Variants in ATP8A1 observed in about 807,000 individuals in gnomAD.
ATP8A1 encodes phospholipid-transporting ATPase IA.
ATP8A1 carries 90 observed loss-of-function variants against 177.7 expected under a neutral mutation model. The ratio of observed to expected loss-of-function variants is 0.51; its 90% CI spans 0.43 to 0.60. ATP8A1 has a LOEUF of 0.60. Among genes scored for constraint, ATP8A1 ranks in the 20% least tolerant of loss-of-function variants. The probability of loss-of-function intolerance (pLI) is 0.00; values close to 1 mark genes in which losing one functional copy is unlikely to be tolerated. For missense variants in ATP8A1, 1,072 were observed against 1,392.8 expected (o/e 0.77, Z 3.67); for synonymous variants, 493 against 485.9 (o/e 1.01, Z -0.19).
chr4:42,450,696 TACTC>T (rs1247214238), intron 30 of ATP8A1, among the ~76,000 whole-genome samples: 77 of 152,358 alleles, frequency 5.1e-4, no homozygotes, highest in African/African-American at 1.7e-3. Context: ...TTCTTTGTAA[TACTC>T]ACCTCGCTTA....
chr4:42,656,854 G>C lies in ATP8A1; in HGVS notation c.20C>G (p.Thr7Ser). 1 of 1,586,456 alleles carries C rather than the reference G, an allele frequency of 6.3e-7. No individual in the cohort carries two copies. The highest frequency in any genetic ancestry group is 8.6e-7 in the Non-Finnish European group (1 of 1,166,594). ...GGCGCGCGAGCGGATCTCCGACACGGTCCTCCGCATGGTGGGCATCGCGGC... is the reference window on the plus strand; with the variant it reads ...GGCGCGCGAGCGGATCTCCGACACGCTCCTCCGCATGGTGGGCATCGCGGC... The part of the protein sequence containing the change: MPTMRR[T>S]VSEIRSRAEG... The change falls in exon 1 of 37, where the codon ACC becomes AGC. Residue 7 changes from threonine (T) to serine (S), a missense_variant. By Grantham distance (58) the Thr-to-Ser change is moderately conservative. Around this residue, in one of 5 missense-constraint regions of ATP8A1, gnomAD observed 344 missense variants for 393.5 expected, o/e 0.87. Coordinates refer to ENST00000381668, the MANE Select transcript of ATP8A1 (RefSeq NM_006095.2).
In ATP8A1 at chr4:42,423,608, T is replaced by C. The variant is rs769360705; in HGVS notation, c.3212+9A>G. 3 of 1,593,054 alleles carry C rather than the reference T, an allele frequency of 1.9e-6. No homozygotes were observed. Among genetic ancestry groups the C allele is most frequent in the African/African-American group, 1.3e-5 (1 of 74,498 alleles). On this transcript the variant is annotated intron_variant, in intron 34 of 36. Transcript: ENST00000381668. ...ATATTTCTCCGTATATAACTGAGTATATACTTACACCTTGTACACCACATC... is the reference window on the plus strand; with the variant it reads ...ATATTTCTCCGTATATAACTGAGTACATACTTACACCTTGTACACCACATC...
chr4:42,476,318 A>G (rs1400646746), intron 25 of ATP8A1, among the ~76,000 whole-genome samples: 2 of 152,200 alleles, frequency 1.3e-5, no homozygotes, highest in African/African-American at 4.8e-5. Flanking sequence ...AAAGCTGTAA[A>G]GTTAACAGAA....
chr4:42,493,877 C>T (rs1279153831), intron 24 of ATP8A1, among the ~76,000 whole-genome samples: 3 of 152,224 alleles, frequency 2.0e-5, no homozygotes, highest in African/African-American at 7.2e-5. Flanking sequence ...TAGTTCTGCC[C>T]TTCCTCTGGT....
intron 12 of ATP8A1, among the ~76,000 whole-genome samples, chr4:42,577,307 T>C (rs1237839208): frequency 6.6e-6 from 1 of 152,212 alleles, no homozygotes; most frequent in Non-Finnish European, 1.5e-5. Flanking sequence ...TTCAGCCATA[T>C]ATCTCCTGCA....
At chr4:42,628,591 CATTTTGCAGTTTCAGACCCA>C (rs377522539) in intron 1 of ATP8A1, among the ~76,000 whole-genome samples, 5 of 152,044 alleles carry the variant, frequency 3.3e-5, no homozygotes, top group African/African-American at 9.7e-5. Context: ...CTGTCACACC[CATTTTGCAGTTTCAGACCCA>C]ATCAGCAGCT....
rs140304658 is a variant in ATP8A1 at position 42,569,914 on chromosome 4, G to GA, written c.1296-710dup. On this transcript the variant is annotated intron_variant, in intron 14 of 36. Transcript: ENST00000381668. Reference sequence around the variant, plus strand: ...TTTCAGCCAGTCATGTATTCAATTGGAAGGGGCCCATAATACATGACAGAC... The same window carrying GA: ...TTTCAGCCAGTCATGTATTCAATTGGAAAGGGGCCCATAATACATGACAGAC... 2.3e-3 allele frequency among the ~76,000 whole-genome samples: 350 copies of GA among 152,218 alleles called. 2 individuals carry two copies. The highest frequency in any genetic ancestry group is 8.2e-3 in the African/African-American group (339 of 41,526).
chr4:42,644,987 T>G lies in ATP8A1; in HGVS notation c.49+11838A>C, dbSNP rs147191573. Among the ~76,000 whole-genome samples, 902 of 151,898 alleles carry G rather than the reference T, an allele frequency of 5.9e-3. 14 individuals are homozygous for G. Among genetic ancestry groups the G allele is most frequent in the African/African-American group, 0.02 (839 of 41,432 alleles). Reference sequence around the variant, plus strand: ...TGACTAAATATTTGGGCTACAAATATAGGCTGAATAAAGCAACTAATTACT... The same window carrying G: ...TGACTAAATATTTGGGCTACAAATAGAGGCTGAATAAAGCAACTAATTACT... On this transcript the variant is annotated intron_variant, in intron 1 of 36. Coordinates refer to ENST00000381668, the MANE Select transcript of ATP8A1 (RefSeq NM_006095.2).
intron 16 of ATP8A1, 90 bp from the exon 17 acceptor site, chr4:42,552,700 G>A: frequency 1.0e-6 from 1 of 967,266 alleles, no homozygotes; most frequent in East Asian, 2.7e-5. Context: ...TAAGAACATA[G>A]TTGTTGGCCA....
At chr4:42,528,255 A>C (rs12505270) in intron 20 of ATP8A1, among the ~76,000 whole-genome samples, 20,308 of 152,156 alleles carry the variant, frequency 0.13, 1,712 homozygotes, top group East Asian at 0.26. Context: ...CCTGACTGGT[A>C]GGGTGAGGGC....
chr4:42,492,844 A>C (rs2153190842), intron 24 of ATP8A1, among the ~76,000 whole-genome samples: 1 of 152,388 alleles, frequency 6.6e-6, no homozygotes, highest in African/African-American at 2.4e-5. Context: ...AATGAACATA[A>C]GTTCAGGAAG....
rs138189613 is a variant in ATP8A1, at chr4:42,510,327, T to C, written c.1948-3173A>G. Among the ~76,000 whole-genome samples the C allele has an allele frequency of 4.0e-3, 603 of 152,290 alleles. 3 individuals are homozygous for C. Among genetic ancestry groups the C allele is most frequent in the African/African-American group, 0.013 (545 of 41,554 alleles). ...TGATGAACAATTATCATCAAGAAGT[T>C]CAAGCAAGGAAAGGAAGAACAATTC... On this transcript the variant is annotated intron_variant, in intron 22 of 36. Coordinates refer to ENST00000381668, the MANE Select transcript of ATP8A1 (RefSeq NM_006095.2).
intron 35 of ATP8A1, among the ~76,000 whole-genome samples, chr4:42,421,590 G>A (rs571503419): frequency 2.6e-5 from 4 of 152,226 alleles, no homozygotes; most frequent in African/African-American, 9.6e-5. Context: ...AAAGGTCAGT[G>A]CTATTATTTT....
At chr4:42,553,322 G>C (rs1729699033) in intron 16 of ATP8A1, among the ~76,000 whole-genome samples, 2 of 152,076 alleles carry the variant, frequency 1.3e-5, no homozygotes, top group African/African-American at 4.8e-5. Context: ...ACTGCACTGG[G>C]GTTATACTTT....
At chr4:42,421,785 C>G (rs1278194582) in intron 35 of ATP8A1, among the ~76,000 whole-genome samples, 1 of 152,022 alleles carries the variant, frequency 6.6e-6, no homozygotes, top group East Asian at 1.9e-4. Flanking sequence ...TAGCCAAAAC[C>G]TCAGCTTTAG....
intron 15 of ATP8A1, chr4:42,561,482 T>TAGTC (rs1730825104): frequency 6.6e-6 from 1 of 152,322 alleles, no homozygotes; most frequent in South Asian, 2.1e-4. Flanking sequence ...GTTCCCAAAG[T>TAGTC]AGTCCCACTC....
chr4:42,616,422 C>T (rs1175027935), intron 4 of ATP8A1, among the ~76,000 whole-genome samples: 1 of 152,110 alleles, frequency 6.6e-6, no homozygotes, highest in East Asian at 1.9e-4. Context: ...TAGTATTTTG[C>T]TTTAATAACT....
intron 6 of ATP8A1, among the ~76,000 whole-genome samples, chr4:42,597,520 A>C (rs765507298): frequency 1.3e-5 from 2 of 152,146 alleles, no homozygotes; most frequent in Non-Finnish European, 2.9e-5. Context: ...CTCAATAAAC[A>C]CTTGTCGAAT....
chr4:42,624,662 A>C, intron 3 of ATP8A1, 28 bp from the exon 4 acceptor site: 2 of 1,200,396 alleles, frequency 1.7e-6, no homozygotes, highest in Non-Finnish European at 2.3e-6. Flanking sequence ...AAAAAGAGAA[A>C]TCCAATGAGA....
Sources: gnomAD v4.1 joint callset for allele counts (sites outside exome capture counted in the v4.1 genomes callset) on GRCh38, gnomAD v4.1.1 for gene constraint, gnomAD v4.1.1 regional missense constraint, MANE v1.5 for transcripts, NCBI Gene and HGNC (gene_info 2026-07-23, HGNC 2026-07-21) for gene names.